Variants in SLC14A2 observed in about 807,000 individuals in gnomAD.
The protein encoded by SLC14A2 is urea transporter 2.
In SLC14A2, 91 loss-of-function variants were observed where a neutral mutation model predicts 104.6. That is an observed-to-expected ratio of 0.87 (90% CI 0.73 to 1.04). The LOEUF (loss-of-function observed/expected upper bound fraction) is 1.04, where lower values mean the gene tolerates loss of function less well. Among genes scored for constraint, SLC14A2 ranks in the 50% least tolerant of loss-of-function variants. SLC14A2 has a pLI of 0.00. For missense variants in SLC14A2, 1,189 were observed against 1,156.0 expected (o/e 1.03, Z -0.41); for synonymous variants, 476 against 466.4 (o/e 1.02, Z -0.27).
chr18:45,569,996 T>C (rs1188577970), intron 2 of SLC14A2, among the ~76,000 whole-genome samples: 2 of 152,182 alleles, frequency 1.3e-5, no homozygotes, highest in Non-Finnish European at 1.5e-5. Context: ...TGCTAAATTA[T>C]AGAGTCATCA....
At chr18:45,182,462 A>G in the SLC14A2 span, among the ~76,000 whole-genome samples, 2 of 151,922 alleles carry the variant, frequency 1.3e-5, no homozygotes, top group African/African-American at 4.8e-5. Context: ...AAAATGTGTT[A>G]TTTCAAACTT....
chr18:45,493,735 A>G (rs2043041433), intron 2 of SLC14A2, among the ~76,000 whole-genome samples: 1 of 152,254 alleles, frequency 6.6e-6, no homozygotes, highest in African/African-American at 2.4e-5. Flanking sequence ...CTAGTTTTTT[A>G]GTTATGGATT....
rs528513219 is a variant in SLC14A2 at position 45,668,566 on chromosome 18, A to T, written c.2036+89A>T. On this transcript the variant is annotated intron_variant, in intron 15 of 19. Coordinates refer to ENST00000255226, the MANE Select transcript of SLC14A2 (RefSeq NM_007163.4). ...CCATGACCGTCTGTCTAAACGTGAT[A>T]TTAAAGTGGCATGTATTTAGCTTGC... The T allele has an allele frequency of 2.6e-5, 37 of 1,426,682 alleles. No homozygotes were observed. The East Asian group carries it at 8.0e-4, about 31-fold the overall frequency. The allele number at this position is 1,426,682 out of a possible 1,614,324, so 88.4% of individuals were successfully genotyped here.
intron 2 of SLC14A2, among the ~76,000 whole-genome samples, chr18:45,590,117 A>G (rs1242350010): frequency 6.6e-6 from 1 of 152,202 alleles, no homozygotes; most frequent in African/African-American, 2.4e-5. Flanking sequence ...GTTCTGCCCC[A>G]CCTTGTCTTC....
intron 2 of SLC14A2, among the ~76,000 whole-genome samples, chr18:45,559,876 C>T (rs952266049): frequency 6.6e-6 from 1 of 152,166 alleles, no homozygotes; most frequent in Non-Finnish European, 1.5e-5. Context: ...CTGAAAGTAC[C>T]AGGTTTCAGC....
chr18:45,613,996 A>G (rs1363394421), upstream of SLC14A2, among the ~76,000 whole-genome samples: 1 of 152,258 alleles, frequency 6.6e-6, no homozygotes, highest in Non-Finnish European at 1.5e-5. Context: ...ACTCCAGGGC[A>G]TGTCAGAGAA....
chr18:45,546,356 C>G lies in SLC14A2; in HGVS notation c.-35+63034C>G, dbSNP rs150140769. 2.7e-3 allele frequency among the ~76,000 whole-genome samples: 410 copies of G among 152,318 alleles called. 1 individual carries two copies. Among genetic ancestry groups the G allele is most frequent in the Admixed American group, 4.4e-3 (68 of 15,300 alleles). Reference sequence around the variant, plus strand: ...AATTGATTCAGCTTCATCTGAGACTCCTAAAGACAGAGCAATCTGCCTGAC... The same window carrying G: ...AATTGATTCAGCTTCATCTGAGACTGCTAAAGACAGAGCAATCTGCCTGAC... On this transcript the variant is annotated intron_variant, in intron 2 of 20. Coordinates refer to the SLC14A2 transcript ENST00000586448.
Position 45,682,435 on chromosome 18 carries a change from G to T in SLC14A2, c.2679G>T (p.Glu893Asp). ...CGCTCAGCAAAGTCACCTACCCAGA[G>T]GCCAACCGCATCTACTACCTGTCCC... ...KLPLSKVTYPEANRIYYLSQE... is the reference protein window; with the variant it reads ...KLPLSKVTYPDANRIYYLSQE... The change falls in exon 20 of 20, where the codon GAG becomes GAT. Residue 893 changes from glutamate to aspartate, a missense_variant. Glu to Asp is a conservative substitution (Grantham distance 45). Coordinates refer to ENST00000255226, the MANE Select transcript of SLC14A2 (RefSeq NM_007163.4). The T allele has an allele frequency of 6.2e-7, 1 of 1,614,106 alleles. No individual in the cohort carries two copies. Among genetic ancestry groups the T allele is most frequent in the Non-Finnish European group, 8.5e-7 (1 of 1,180,020 alleles).
At chr18:45,372,439 G>C (rs1242185085) in intron 1 of SLC14A2, among the ~76,000 whole-genome samples, 1 of 152,116 alleles carries the variant, frequency 6.6e-6, no homozygotes, top group Non-Finnish European at 1.5e-5. Flanking sequence ...TTCTTAGATG[G>C]GAAATCTAAG....
At chr18:45,572,759 A>AGT (rs957110871) in intron 2 of SLC14A2, among the ~76,000 whole-genome samples, 1 of 152,208 alleles carries the variant, frequency 6.6e-6, no homozygotes, top group African/African-American at 2.4e-5. Flanking sequence ...TCTATGGGCA[A>AGT]GTGTGTGTGC....
At chr18:45,542,340 A>G (rs544640105) in intron 2 of SLC14A2, 41 of 152,082 alleles carry the variant, frequency 2.7e-4, no homozygotes, top group African/African-American at 9.2e-4. Flanking sequence ...AGGGGAAGAC[A>G]GAATCAGGCT....
intron 18 of SLC14A2, among the ~76,000 whole-genome samples, chr18:45,676,521 A>C (rs958686339): frequency 6.6e-6 from 1 of 151,840 alleles, no homozygotes; most frequent in Admixed American, 6.5e-5. Flanking sequence ...GGTGGTTTTC[A>C]ACCAGGGGTA....
chr18:45,662,856 C>T (rs2045955940), intron 10 of SLC14A2, among the ~76,000 whole-genome samples: 1 of 152,108 alleles, frequency 6.6e-6, no homozygotes, highest in Non-Finnish European at 1.5e-5. Flanking sequence ...CCAGGATCAC[C>T]AGATTTTCCA....
At chr18:45,680,758 A>T (rs974369564) in intron 19 of SLC14A2, among the ~76,000 whole-genome samples, 2 of 152,268 alleles carry the variant, frequency 1.3e-5, no homozygotes, top group Non-Finnish European at 2.9e-5. Context: ...CAGAAAGATT[A>T]AATGGCCATA....
At chr18:45,487,376 A>G (rs1289502784) in intron 2 of SLC14A2, among the ~76,000 whole-genome samples, 1 of 152,222 alleles carries the variant, frequency 6.6e-6, no homozygotes, top group East Asian at 1.9e-4. Context: ...TAATCTCCCT[A>G]TCTTGAGTTC....
the SLC14A2 span, among the ~76,000 whole-genome samples, chr18:45,186,337 C>A: frequency 1.3e-5 from 2 of 152,094 alleles, no homozygotes; most frequent in African/African-American, 4.8e-5. Flanking sequence ...CACAAGGGTG[C>A]AAAAGCAAAC....
In SLC14A2 at chr18:45,669,567, C is replaced by T; in HGVS notation, c.2229+69C>T. The T allele has an allele frequency of 2.3e-6, 3 of 1,306,576 alleles. 1 individual carries two copies. Among genetic ancestry groups the T allele is most frequent in the Middle Eastern group, 3.8e-4 (2 of 5,248 alleles). 80.9% of individuals were successfully genotyped at this position (1,306,576 alleles called of 1,614,324 possible). On this transcript the variant is annotated intron_variant, in intron 16 of 19. Transcript: ENST00000255226. ...ATGTTACTGGCATTTGCATATTTTG[C>T]ACATCAGAAACATCCACAAGTAATA...
chr18:45,280,009 C>T (rs2084745412), intron 1 of SLC14A2, among the ~76,000 whole-genome samples: 1 of 152,146 alleles, frequency 6.6e-6, no homozygotes, highest in Non-Finnish European at 1.5e-5. Context: ...GTTGTCACAA[C>T]CAAAAAATAT....
chr18:45,521,377 G>C (rs1361901511), intron 2 of SLC14A2, among the ~76,000 whole-genome samples: 1 of 152,160 alleles, frequency 6.6e-6, no homozygotes, highest in African/African-American at 2.4e-5. Context: ...CAGAAAGAGT[G>C]CACAGGGTTA....
Sources: gnomAD v4.1 joint callset for allele counts (sites outside exome capture counted in the v4.1 genomes callset) on GRCh38, gnomAD v4.1.1 for gene constraint, MANE v1.5 for transcripts, NCBI Gene and HGNC (gene_info 2026-07-23, HGNC 2026-07-21) for gene names.